The following PRKCB variants were observed in gnomAD, a reference collection of about 807,000 sequenced individuals.
PRKCB encodes the protein protein kinase C beta.
Under a neutral mutation model 81.5 loss-of-function variants are expected in PRKCB, and 13 were observed. The ratio of observed to expected loss-of-function variants is 0.16; its 90% CI spans 0.10 to 0.25. The LOEUF (loss-of-function observed/expected upper bound fraction) is 0.25, where lower values mean the gene tolerates loss of function less well. PRKCB is among the 10% of genes least tolerant of loss of function. PRKCB has a pLI of 1.00. For missense variants in PRKCB, 509 were observed against 875.7 expected (o/e 0.58, Z 5.29); for synonymous variants, 335 against 321.4 (o/e 1.04, Z -0.45).
At chr16:23,950,995 T>G (rs1423935592) in intron 2 of PRKCB, among the ~76,000 whole-genome samples, 1 of 152,138 alleles carries the variant, frequency 6.6e-6, no homozygotes, top group Non-Finnish European at 1.5e-5. Flanking sequence ...CTCCCACACC[T>G]GTTATCCTGC....
chr16:24,019,904 C>A (rs969599144), intron 3 of PRKCB, among the ~76,000 whole-genome samples: 1 of 152,148 alleles, frequency 6.6e-6, no homozygotes, highest in African/African-American at 2.4e-5. Flanking sequence ...TGACACTTAG[C>A]GTGTTTAAAT....
intron 2 of PRKCB, among the ~76,000 whole-genome samples, chr16:23,944,295 G>T (rs1167778567): frequency 6.6e-6 from 1 of 152,140 alleles, no homozygotes; most frequent in East Asian, 1.9e-4. Context: ...AGAATTCCAT[G>T]ATGTCATCTT....
chr16:23,866,419 C>T (rs1360931337), intron 2 of PRKCB, among the ~76,000 whole-genome samples: 1 of 152,186 alleles, frequency 6.6e-6, no homozygotes, highest in Non-Finnish European at 1.5e-5. Flanking sequence ...GGATAAATTA[C>T]ACAACATAGA....
chr16:23,891,894 T>G (rs1963300905), intron 2 of PRKCB, among the ~76,000 whole-genome samples: 1 of 152,152 alleles, frequency 6.6e-6, no homozygotes, highest in South Asian at 2.1e-4. Flanking sequence ...CAGAAGGGAA[T>G]TTGTCAGTGT....
intron 9 of PRKCB, among the ~76,000 whole-genome samples, chr16:24,149,983 T>C (rs1002986199): frequency 6.6e-5 from 10 of 152,182 alleles, no homozygotes; most frequent in African/African-American, 1.2e-4. Context: ...TTTGTTTTTT[T>C]CCCCCTGCCT....
Position 23,852,393 on chromosome 16 carries a change from A to C in PRKCB, c.205+14987A>C, listed in dbSNP as rs184946099. The stretch of plus-strand genomic sequence containing the variant: ...GATGATCATATGATTTTTATCCTTT[A>C]TTTTGTTAACATGGGTATCACATTT... On this transcript the variant is annotated intron_variant, in intron 2 of 16. Coordinates refer to ENST00000643927, the MANE Select transcript of PRKCB (RefSeq NM_002738.7). Among the ~76,000 whole-genome samples the C allele has an allele frequency of 1.7e-4, 25 of 151,484 alleles. No individual in the cohort carries two copies. The South Asian group carries it at 3.3e-3, about 20-fold the overall frequency.
chr16:23,837,201 A>G (rs1962178047), intron 1 of PRKCB, 174 bp from the exon 2 acceptor site: 2 of 772,140 alleles, frequency 2.6e-6, no homozygotes, highest in East Asian at 2.5e-5. Flanking sequence ...TGGGGGTTAC[A>G]GCCGAGCTCC....
chr16:23,854,688 C>T (rs753398522), intron 2 of PRKCB, among the ~76,000 whole-genome samples: 1 of 152,106 alleles, frequency 6.6e-6, no homozygotes, highest in African/African-American at 2.4e-5. Context: ...AAATCACAAG[C>T]CCACCCCAGA....
chr16:24,084,356 A>C (rs1182852795), intron 5 of PRKCB, among the ~76,000 whole-genome samples: 2 of 152,174 alleles, frequency 1.3e-5, no homozygotes, highest in Non-Finnish European at 1.5e-5. Flanking sequence ...TGGGGACAAA[A>C]AGTAATCATG....
At chr16:23,889,144 AT>A (rs1963251084) in intron 2 of PRKCB, among the ~76,000 whole-genome samples, 1 of 144,894 alleles carries the variant, frequency 6.9e-6, no homozygotes, top group Non-Finnish European at 1.5e-5. Context: ...CCATCCATCC[AT>A]CCATCCATCC....
intron 2 of PRKCB, among the ~76,000 whole-genome samples, chr16:23,918,657 A>G (rs2141742651): frequency 6.6e-6 from 1 of 152,294 alleles, no homozygotes; most frequent in South Asian, 2.1e-4. Context: ...TCGGCCTCCC[A>G]AAGTGCTGGG....
rs1968196899 is a variant in PRKCB, at chr16:24,214,753, A to G, written c.1959A>G (p.Gln653=). The change falls in exon 17 of 17, where the codon CAA becomes CAG. Residue 653 remains glutamine, a synonymous_variant. Coordinates refer to ENST00000643927, the MANE Select transcript of PRKCB (RefSeq NM_002738.7). ...AGGAAGTCATCAGGAATATTGACCA[A>G]TCAGAATTCGAAGGATTTTCCTTTG... ...PDQEVIRNID[Q]SEFEGFSFVN... The G allele has an allele frequency of 6.2e-7, 1 of 1,614,192 alleles. No individual in the cohort carries two copies. Among genetic ancestry groups the G allele is most frequent in the Non-Finnish European group, 8.5e-7 (1 of 1,180,016 alleles).
intron 2 of PRKCB, among the ~76,000 whole-genome samples, chr16:23,898,956 T>G (rs1455763323): frequency 6.6e-6 from 1 of 152,178 alleles, no homozygotes; most frequent in South Asian, 2.1e-4. Flanking sequence ...GTCTGGGAAA[T>G]CCTTAGGTCT....
intron 2 of PRKCB, among the ~76,000 whole-genome samples, chr16:23,919,144 A>G (rs906793063): frequency 2.6e-5 from 4 of 152,238 alleles, no homozygotes; most frequent in Admixed American, 6.5e-5. Context: ...TGTGTTATCC[A>G]TCAAGTATAT....
chr16:24,059,179 G>A (rs917827800), intron 5 of PRKCB, among the ~76,000 whole-genome samples: 7 of 152,134 alleles, frequency 4.6e-5, no homozygotes, highest in Non-Finnish European at 1.0e-4. Flanking sequence ...CCAGAGATCC[G>A]ATTGGAAAAA....
chr16:24,158,007 A>G (rs1967189875), intron 10 of PRKCB, among the ~76,000 whole-genome samples: 1 of 152,206 alleles, frequency 6.6e-6, no homozygotes, highest in African/African-American at 2.4e-5. Context: ...TCCCCAACCG[A>G]CAAGTCCAAG....
At chr16:23,855,024 G>C (rs938616199) in intron 2 of PRKCB, among the ~76,000 whole-genome samples, 28 of 152,084 alleles carry the variant, frequency 1.8e-4, no homozygotes, top group Admixed American at 1.6e-3. Context: ...CTACCACCAT[G>C]ACTACTGAAT....
intron 5 of PRKCB, among the ~76,000 whole-genome samples, chr16:24,092,366 C>G (rs963637787): frequency 2.6e-5 from 4 of 152,244 alleles, no homozygotes; most frequent in African/African-American, 9.6e-5. Flanking sequence ...TATGCATCAA[C>G]TGCTGAATGG....
chr16:23,889,761 T>C (rs538366950), intron 2 of PRKCB, among the ~76,000 whole-genome samples: 17 of 152,362 alleles, frequency 1.1e-4, no homozygotes, highest in Admixed American at 5.2e-4. Context: ...GGCATGAGGC[T>C]GTAGTATGTG....
Sources: allele counts gnomAD v4.1 joint callset (sites outside exome capture counted in the v4.1 genomes callset), GRCh38; gene constraint gnomAD v4.1.1; transcripts MANE v1.5; gene names NCBI Gene and HGNC (gene_info 2026-07-23, HGNC 2026-07-21).